SLC35F3: variants seen among roughly 807,000 people sequenced by gnomAD.
The protein encoded by SLC35F3 is putative thiamine transporter SLC35F3.
In SLC35F3, 25 loss-of-function variants were observed where a neutral mutation model predicts 49.9. The ratio of observed to expected loss-of-function variants is 0.50; its 90% CI spans 0.37 to 0.70. The LOEUF is 0.70. SLC35F3 is among the 30% of genes least tolerant of loss of function. SLC35F3 has a pLI of 0.00. For missense variants in SLC35F3, 525 were observed against 639.8 expected, an observed-to-expected ratio of 0.82 and a Z score of 1.94; for synonymous variants, 275 against 265.4, an observed-to-expected ratio of 1.04 and a Z score of -0.35.
At chr1:233,963,527 T>C (rs144527795) in intron 2 of SLC35F3, among the ~76,000 whole-genome samples, 3,582 of 152,200 alleles carry the variant, frequency 0.024, 62 homozygotes, top group South Asian at 0.066. Context: ...GGTCTCGATC[T>C]CCTGATCTCG....
rs1230197419 is a variant in SLC35F3 at position 234,229,759 on chromosome 1, C to G, written c.284-1658C>G. Among the ~76,000 whole-genome samples, 3 of 152,180 alleles carry G rather than the reference C, an allele frequency of 2.0e-5. No homozygotes were observed. The East Asian group carries it at 5.8e-4, about 29-fold the overall frequency. ...CCTTGCAAATTATCCCGATAATGAA[C>G]AGCTGCAGATGTTAATTCAAAATGG... On this transcript the variant is annotated intron_variant, in intron 2 of 7. Transcript: ENST00000366618.
chr1:234,184,978 T>G (rs981922116), intron 2 of SLC35F3, among the ~76,000 whole-genome samples: 1 of 152,174 alleles, frequency 6.6e-6, no homozygotes, highest in Non-Finnish European at 1.5e-5. Flanking sequence ...ACACTGCATC[T>G]GAGAAGCATT....
At chr1:234,058,825 G>A (rs1196285889) in intron 2 of SLC35F3, among the ~76,000 whole-genome samples, 1 of 151,756 alleles carries the variant, frequency 6.6e-6, no homozygotes, top group Non-Finnish European at 1.5e-5. Flanking sequence ...TTTATTGTTT[G>A]TTTGTTTGAC....
chr1:233,961,747 C>T (rs1433163295), intron 2 of SLC35F3, among the ~76,000 whole-genome samples: 2 of 152,186 alleles, frequency 1.3e-5, no homozygotes, highest in South Asian at 2.1e-4. Flanking sequence ...TGAGCCACAG[C>T]GCCTGGCCTC....
intron 2 of SLC35F3, among the ~76,000 whole-genome samples, chr1:233,974,695 C>T (rs971769527): frequency 6.6e-6 from 1 of 152,182 alleles, no homozygotes; most frequent in African/African-American, 2.4e-5. Flanking sequence ...GCTCCATGCT[C>T]TCCACAAACA....
At chr1:234,238,226 G>A (rs10910391) in intron 3 of SLC35F3, among the ~76,000 whole-genome samples, 64,561 of 152,032 alleles carry the variant, frequency 0.42, 14,180 homozygotes, top group African/African-American at 0.5. Flanking sequence ...GTATAGCCAG[G>A]AGATTTTGCT....
intron 3 of SLC35F3, among the ~76,000 whole-genome samples, chr1:234,237,568 AAGC>A (rs1245188019): frequency 6.6e-6 from 1 of 152,148 alleles, no homozygotes; most frequent in Non-Finnish European, 1.5e-5. Flanking sequence ...ACATTTCAGA[AAGC>A]TGATGCATTT....
At chr1:234,000,793 G>A (rs556558131) in intron 2 of SLC35F3, among the ~76,000 whole-genome samples, 22 of 152,212 alleles carry the variant, frequency 1.4e-4, no homozygotes, top group Non-Finnish European at 2.8e-4. Context: ...GCTTGTAGGG[G>A]ACAGGCCAGA....
At chr1:233,958,434 A>G (rs1319157878) in intron 2 of SLC35F3, among the ~76,000 whole-genome samples, 3 of 152,216 alleles carry the variant, frequency 2.0e-5, no homozygotes, top group African/African-American at 7.2e-5. Flanking sequence ...TTATTGAATC[A>G]ATGAATGAAT....
intron 2 of SLC35F3, among the ~76,000 whole-genome samples, chr1:233,917,240 C>A (rs975670762): frequency 1.3e-5 from 2 of 152,174 alleles, no homozygotes; most frequent in African/African-American, 2.4e-5. Flanking sequence ...TTTCAATCAA[C>A]AATGACCAGC....
At chr1:234,255,227 T>C (rs750304997) in intron 3 of SLC35F3, among the ~76,000 whole-genome samples, 7 of 152,156 alleles carry the variant, frequency 4.6e-5, no homozygotes, top group Non-Finnish European at 7.3e-5. Flanking sequence ...AAAGATGATA[T>C]ACAGACAGCA....
intron 2 of SLC35F3, among the ~76,000 whole-genome samples, chr1:234,115,974 G>A (rs80016701): frequency 0.058 from 8,903 of 152,246 alleles, 377 homozygotes; most frequent in Non-Finnish European, 0.09. Flanking sequence ...TGAGCAGTAG[G>A]GGAAAGAGGA....
chr1:233,941,324 G>A (rs1346974218), intron 2 of SLC35F3, among the ~76,000 whole-genome samples: 2 of 152,200 alleles, frequency 1.3e-5, no homozygotes, highest in Admixed American at 1.3e-4. Flanking sequence ...TGGAATAAGT[G>A]TACAGATTTA....
chr1:234,253,545 G>T (rs546423952), intron 3 of SLC35F3, among the ~76,000 whole-genome samples: 3 of 152,128 alleles, frequency 2.0e-5, no homozygotes, highest in African/African-American at 7.2e-5. Context: ...AAAAACAGTG[G>T]TTTCCTGTTA....
chr1:234,269,686 G>A (rs1346761754), intron 3 of SLC35F3, among the ~76,000 whole-genome samples: 1 of 152,192 alleles, frequency 6.6e-6, no homozygotes, highest in Non-Finnish European at 1.5e-5. Flanking sequence ...TTTGGCTCAT[G>A]GGGGCATGAA....
intron 2 of SLC35F3, among the ~76,000 whole-genome samples, chr1:234,152,122 A>G (rs538169103): frequency 5.0e-4 from 76 of 151,776 alleles, no homozygotes; most frequent in African/African-American, 1.8e-3. Context: ...TATTTGACAC[A>G]TAGGAAAAAA....
chr1:234,168,106 C>T lies in SLC35F3; in HGVS notation c.284-63311C>T, dbSNP rs185362000. On this transcript the variant is annotated intron_variant, in intron 2 of 7. Coordinates refer to ENST00000366618, the MANE Select transcript of SLC35F3 (RefSeq NM_173508.4). ...CAGGCCTGAGGTCCCTGCCCTGGAC[C>T]TCACAGTTCTCTGAAGTCAAGAACC... 2.0e-5 allele frequency among the ~76,000 whole-genome samples: 3 copies of T among 152,332 alleles called. No individual in the cohort carries two copies. In the East Asian group the frequency reaches 5.8e-4, roughly 29 times the overall value.
intron 2 of SLC35F3, among the ~76,000 whole-genome samples, chr1:234,047,612 C>T (rs888564573): frequency 4.6e-5 from 7 of 152,146 alleles, no homozygotes; most frequent in African/African-American, 1.7e-4. Context: ...AGCTTGTCAG[C>T]TGAAGATCTT....
chr1:233,905,250 G>T, intron 1 of SLC35F3, 120 bp downstream of exon 1: 1 of 1,099,332 alleles, frequency 9.1e-7, no homozygotes, highest in South Asian at 1.4e-5. Context: ...GGCGCGCGCG[G>T]TGGAGCTGCT....
Sources: allele counts gnomAD v4.1 joint callset (sites outside exome capture counted in the v4.1 genomes callset), GRCh38; gene constraint gnomAD v4.1.1; transcripts MANE v1.5; gene names NCBI Gene and HGNC (gene_info 2026-07-23, HGNC 2026-07-21).